The following PKHD1L1 variants were observed in gnomAD, a reference collection of about 807,000 sequenced individuals.
The protein encoded by PKHD1L1 is PKHD1 like 1, also known as fibrocystin-L.
In PKHD1L1, 434 loss-of-function variants were observed where a neutral mutation model predicts 462.9. The ratio of observed to expected loss-of-function variants is 0.94; its 90% confidence interval spans 0.87 to 1.02. The LOEUF is 1.02. Among genes scored for constraint, PKHD1L1 ranks in the 50% least tolerant of loss-of-function variants. The pLI, the probability that PKHD1L1 is intolerant of heterozygous loss-of-function variation, is 0.00. For synonymous variants in PKHD1L1, 1,781 were observed against 1,750.0 expected (o/e 1.02, Z -0.44); for missense variants, 5,202 against 5,096.1 (o/e 1.02, Z -0.63).
intron 8 of PKHD1L1, among the ~76,000 whole-genome samples, chr8:109,389,982 A>T (rs1320956426): frequency 1.3e-5 from 2 of 150,980 alleles, no homozygotes; most frequent in Admixed American, 1.3e-4. Context: ...TTTTTTTTTT[A>T]AATAGCATTA....
chr8:109,468,113 C>G (rs1302286816), intron 50 of PKHD1L1, among the ~76,000 whole-genome samples: 1 of 152,088 alleles, frequency 6.6e-6, no homozygotes, highest in Non-Finnish European at 1.5e-5. Context: ...TCAATATAAA[C>G]CAATTAAGAT....
chr8:109,448,542 C>T (rs1816296581), intron 39 of PKHD1L1, among the ~76,000 whole-genome samples, 151 bp downstream of exon 39: 1 of 149,162 alleles, frequency 6.7e-6, no homozygotes, highest in Admixed American at 6.7e-5. Flanking sequence ...GACAGAGTCT[C>T]GCTCGGTCGC....
chr8:109,440,356 G>A (rs527796349), intron 32 of PKHD1L1, among the ~76,000 whole-genome samples: 35 of 152,156 alleles, frequency 2.3e-4, no homozygotes, highest in Middle Eastern at 6.8e-3. Context: ...AAGCAGAGCT[G>A]CCTTTTTGTT....
Position 109,364,763 on chromosome 8 carries a change from A to G in PKHD1L1, c.163+127A>G, listed in dbSNP as rs992611337. On this transcript the variant is annotated intron_variant, in intron 2 of 77. Transcript: ENST00000378402. ...GGAGTTATTTCTTCACTTGGCCAGA[A>G]TAGTAAAACTCTGTCCTCTTTGATA... is the stretch of plus-strand genomic sequence containing the variant. The G allele has an allele frequency of 3.6e-5, 24 of 660,076 alleles. No homozygotes were observed. The African/African-American group carries it at 3.7e-4, about 10-fold the overall frequency. The allele number at this position is 660,076 out of a possible 1,614,324, so 40.9% of individuals were successfully genotyped here.
At position 109,518,353 on chromosome 8, in the gene PKHD1L1, T is replaced by C. The variant is rs1246817836; in HGVS notation, c.11876T>C (p.Val3959Ala). ...GACTTTTATACCTCTCACAATCTGG[T>C]TAAAAATCTTGCCTTGTTCCTAAAG... Reference protein sequence around the residue: ...EDDFYTSHNLVKNLALFLKIP... With the variant: ...EDDFYTSHNLAKNLALFLKIP... The change falls in exon 73 of 78, where the codon GTT (valine) becomes GCT (alanine). Residue 3959 changes from valine (V) to alanine (A), a missense_variant. This residue lies in a region of PKHD1L1 where 698 missense variants were observed against 736.3 expected (regional missense o/e 0.95). Coordinates refer to ENST00000378402, the MANE Select transcript of PKHD1L1 (RefSeq NM_177531.6). 6.2e-7 allele frequency: 1 copy of C among 1,613,452 alleles called. No homozygotes were observed. Among genetic ancestry groups the C allele is most frequent in the Non-Finnish European group, 8.5e-7 (1 of 1,179,566 alleles).
At chr8:109,500,996 T>C (rs183606368) in intron 67 of PKHD1L1, among the ~76,000 whole-genome samples, 1 of 152,296 alleles carries the variant, frequency 6.6e-6, no homozygotes, top group East Asian at 1.9e-4. Flanking sequence ...TCCAGACTCA[T>C]AGAACCTAAA....
At chr8:109,499,549 T>TA (rs1227555294) in intron 67 of PKHD1L1, among the ~76,000 whole-genome samples, 2 of 152,234 alleles carry the variant, frequency 1.3e-5, no homozygotes, top group East Asian at 3.8e-4. Context: ...TGGCTTTTAA[T>TA]AAATAATATG....
Position 109,445,104 on chromosome 8 carries a change from A to C in PKHD1L1, c.5235A>C (p.Glu1745Asp). 6.2e-7 allele frequency: 1 copy of C among 1,613,976 alleles called. No individual in the cohort carries two copies. The highest frequency in any genetic ancestry group is 8.5e-7 in the Non-Finnish European group (1 of 1,179,890). The part of the protein sequence containing the change: ...CQGNCTFSYL[E>D]SITPYITGVF... ...GAAACTGCACCTTTTCATACTTAGA[A>C]AGCATCACTCCTTACATAACAGGAG... The change falls in exon 38 of 78, where the codon GAA becomes GAC. Residue 1745 changes from glutamate (E) to aspartate (D), a missense_variant. Physicochemically the swap from Glu to Asp is conservative, Grantham distance 45 (BLOSUM62 2). Coordinates refer to ENST00000378402, the MANE Select transcript of PKHD1L1 (RefSeq NM_177531.6).
rs752105737 is a variant in PKHD1L1, at chr8:109,443,795, A to G, written c.4684A>G (p.Ser1562Gly). The change falls in exon 37 of 78, where the codon AGT (serine) becomes GGT (glycine). Residue 1562 changes from serine to glycine, a missense_variant. By Grantham distance (56) the Ser-to-Gly change is moderately conservative (BLOSUM62 0). Transcript: ENST00000378402. ...AAAAAGATTGCTATTTGAGGTTTCA[A>G]GTTGTTTTTCACCATCTATAAGCAA... Reference protein sequence around the residue: ...NSKRLLFEVSSCFSPSISNIT... With the variant: ...NSKRLLFEVSGCFSPSISNIT... 2 of 1,613,760 alleles carry G rather than the reference A, an allele frequency of 1.2e-6. No homozygotes were observed. The highest frequency in any genetic ancestry group is 1.7e-6 in the Non-Finnish European group (2 of 1,179,812).
chr8:109,369,119 C>G (rs1811368394), intron 2 of PKHD1L1, among the ~76,000 whole-genome samples: 1 of 152,006 alleles, frequency 6.6e-6, no homozygotes, highest in African/African-American at 2.4e-5. Context: ...GCAGGGTTTA[C>G]AGGCACCTGC....
chr8:109,482,010 A>G (rs1818297580), intron 56 of PKHD1L1, among the ~76,000 whole-genome samples: 1 of 151,750 alleles, frequency 6.6e-6, no homozygotes, highest in Non-Finnish European at 1.5e-5. Flanking sequence ...GGATCAGTTG[A>G]CTCTGCAATC....
rs763668007 is a variant in PKHD1L1, at chr8:109,444,776, C to A, written c.4907C>A (p.Thr1636Asn). ...GGTATCAGGGAAACTGTCACTTTGA[C>A]TGTCTACAACCTGGGCACTGCTATC... Reference protein sequence around the residue: ...DVGIRETVTLTVYNLGTAINT... With the variant: ...DVGIRETVTLNVYNLGTAINT... Residue 1636 changes from threonine to asparagine, a missense_variant, in exon 38 of 78, where the codon ACT (threonine) becomes AAT (asparagine). By Grantham distance (65) the Thr-to-Asn change is moderately conservative. This residue lies in a region of PKHD1L1 where 4,497 missense variants were observed against 4,336.8 expected (regional missense o/e 1.04). Transcript: ENST00000378402. The A allele has an allele frequency of 6.2e-6, 10 of 1,613,998 alleles. No homozygotes were observed. The South Asian group carries it at 1.1e-4, about 18-fold the overall frequency.
At position 109,419,388 on chromosome 8, in the gene PKHD1L1, C is replaced by T. The variant is rs181899285; in HGVS notation, c.2524+128C>T. 21 of 650,686 alleles carry T rather than the reference C, an allele frequency of 3.2e-5. No homozygotes were observed. In the East Asian group the frequency reaches 4.6e-4, roughly 14 times the overall value. 40.3% of individuals were successfully genotyped at this position (650,686 alleles called of 1,614,324 possible). A position where few individuals can be genotyped will look rare whatever the true frequency, so the allele number is the denominator to read the frequency against. On this transcript the variant is annotated intron_variant, in intron 22 of 77. Coordinates refer to ENST00000378402, the MANE Select transcript of PKHD1L1 (RefSeq NM_177531.6). ...AAATATTAATGAGTCACTCTTTTAT[C>T]TGAATAATATTATGATTTTATTTTG...
At chr8:109,525,232 A>G (rs946426941) in intron 76 of PKHD1L1, among the ~76,000 whole-genome samples, 2 of 152,138 alleles carry the variant, frequency 1.3e-5, no homozygotes, top group Non-Finnish European at 2.9e-5. Context: ...GGTAGAGGAG[A>G]TACAGGTTGT....
rs1320801353 is a variant in PKHD1L1, at chr8:109,475,287, C to A, written c.8757+18C>A. 2.6e-6 allele frequency: 4 copies of A among 1,559,460 alleles called. No homozygotes were observed. The highest frequency in any genetic ancestry group is 3.5e-6 in the Non-Finnish European group (4 of 1,142,054). On this transcript the variant is annotated intron_variant, in intron 51 of 77. Coordinates refer to ENST00000378402, the MANE Select transcript of PKHD1L1 (RefSeq NM_177531.6). The stretch of plus-strand genomic sequence containing the variant: ...GATTCAAGGTAAAAATATTTATCTT[C>A]TAATGATTATAATTGTGTATTACCC...
intron 46 of PKHD1L1, among the ~76,000 whole-genome samples, chr8:109,457,655 T>A (rs1816897995): frequency 6.6e-6 from 1 of 152,134 alleles, no homozygotes; most frequent in Non-Finnish European, 1.5e-5. Flanking sequence ...AAAATTGGAA[T>A]GGTATTAGTA....
Position 109,465,264 on chromosome 8 carries a change from T to G in PKHD1L1, c.8413+19T>G. 1 of 1,596,404 alleles carries G rather than the reference T, an allele frequency of 6.3e-7. No individual in the cohort carries two copies. The highest frequency in any genetic ancestry group is 8.5e-7 in the Non-Finnish European group (1 of 1,170,342). ...CTTACAGGTAATGTTATTTTTTAAT[T>G]TGTGATAAAAATCCATTGGAAATAT... On this transcript the variant is annotated intron_variant, in intron 49 of 77. Transcript: ENST00000378402.
intron 2 of PKHD1L1, among the ~76,000 whole-genome samples, chr8:109,380,920 T>C (rs1812076456): frequency 6.6e-6 from 1 of 152,166 alleles, no homozygotes; most frequent in Non-Finnish European, 1.5e-5. Context: ...TCATGGTACT[T>C]ATCACCTCCA....
rs111457901 is a variant in PKHD1L1, at chr8:109,466,611, C to T, written c.8447C>T (p.Ser2816Leu). ...HKGHTVIPHS[S>L]LLDPSHCTQE... ...GGACATACCGTCATTCCACACAGCT[C>T]ATTGCTAGACCCTTCTCATTGTACT... is the stretch of plus-strand genomic sequence containing the variant. Residue 2816 changes from serine (S) to leucine (L), a missense_variant, in exon 50 of 78, where the codon TCA becomes TTA. Transcript: ENST00000378402. 1.8e-5 allele frequency: 29 copies of T among 1,608,240 alleles called. No individual in the cohort carries two copies. The African/African-American group carries it at 2.1e-4, about 12-fold the overall frequency.
Sources: allele counts gnomAD v4.1 joint callset (sites outside exome capture counted in the v4.1 genomes callset), GRCh38; gene constraint gnomAD v4.1.1; regional missense constraint gnomAD v4.1.1; transcripts MANE v1.5; gene names NCBI Gene and HGNC (gene_info 2026-07-23, HGNC 2026-07-21).